The following RGS3 variants were observed in gnomAD, a reference collection of about 807,000 sequenced individuals.
RGS3 encodes regulator of G protein signaling 3.
A neutral mutation model predicts 132.6 loss-of-function variants in RGS3; 80 were observed. That is an observed-to-expected ratio of 0.60 (90% confidence interval 0.50 to 0.73). The LOEUF is 0.73. Ranked by LOEUF, RGS3 falls within the 30% of genes least tolerant of loss-of-function variation. RGS3 has a pLI of 0.00. For synonymous variants in RGS3, 598 were observed against 620.6 expected, an observed-to-expected ratio of 0.96 and a Z score of 0.54; for missense variants, 1,382 against 1,530.8, an observed-to-expected ratio of 0.90 and a Z score of 1.62.
chr9:113,555,400 A>G (rs1833527108), intron 19 of RGS3, among the ~76,000 whole-genome samples: 1 of 151,986 alleles, frequency 6.6e-6, no homozygotes, highest in Non-Finnish European at 1.5e-5. Context: ...GCTGGACCAT[A>G]CTTCTCTGCT....
intron 3 of RGS3, among the ~76,000 whole-genome samples, chr9:113,470,118 C>A (rs1454157156): frequency 6.6e-6 from 1 of 152,124 alleles, no homozygotes; most frequent in Non-Finnish European, 1.5e-5. Flanking sequence ...ACCATGTTGG[C>A]CACACTGGTC....
At chr9:113,457,678 A>G (rs574369959), upstream of RGS3, among the ~76,000 whole-genome samples, 12 of 152,288 alleles carry the variant, frequency 7.9e-5, no homozygotes, top group South Asian at 1.2e-3. Context: ...CTGTTTATTT[A>G]CTAGTTTAGC....
chr9:113,513,630 G>A (rs1264032338), intron 14 of RGS3, among the ~76,000 whole-genome samples: 2 of 152,184 alleles, frequency 1.3e-5, no homozygotes, highest in Non-Finnish European at 2.9e-5. Flanking sequence ...AGTGAGCTTG[G>A]CACTATTGTT....
intron 3 of RGS3, chr9:113,479,272 G>T: frequency 1.7e-6 from 1 of 589,930 alleles, no homozygotes. Flanking sequence ...CACAAGCAAG[G>T]CTAGAGAACC....
At chr9:113,461,804 G>T in exon 2 of RGS3, 1 of 1,614,192 alleles carries the variant, frequency 6.2e-7, no homozygotes, top group East Asian at 2.2e-5. Context: ...TGGAGCCCAA[G>T]ATAGTCTCCC....
At chr9:113,553,464 A>AAAAAAAAT (rs1833438911) in intron 19 of RGS3, among the ~76,000 whole-genome samples, 1 of 70,660 alleles carries the variant, frequency 1.4e-5, no homozygotes, top group Non-Finnish European at 2.7e-5. Flanking sequence ...AAAAAAATAT[A>AAAAAAAAT]TATATATATA....
intron 19 of RGS3, among the ~76,000 whole-genome samples, chr9:113,561,462 T>C (rs887833738): frequency 1.3e-5 from 2 of 151,828 alleles, no homozygotes; most frequent in African/African-American, 2.4e-5. Flanking sequence ...CAGCTGGGAG[T>C]GCAGTGGCAC....
chr9:113,445,490 G>A (rs1439478258), intron 1 of RGS3, among the ~76,000 whole-genome samples: 1 of 152,148 alleles, frequency 6.6e-6, no homozygotes, highest in Non-Finnish European at 1.5e-5. Context: ...GAGCCACTGT[G>A]CCTGGCCTGG....
intron 10 of RGS3, chr9:113,501,302 CG>C (rs768248624): frequency 1.8e-5 from 15 of 821,630 alleles, no homozygotes; most frequent in South Asian, 2.8e-5. Context: ...CTCTCCCCGC[CG>C]GGCCCGGGGA....
At chr9:113,486,840 A>G (rs928410655) in intron 7 of RGS3, among the ~76,000 whole-genome samples, 2 of 152,228 alleles carry the variant, frequency 1.3e-5, no homozygotes, top group African/African-American at 2.4e-5. Flanking sequence ...CTCTTTTAAT[A>G]AAGTATCCAC....
At chr9:113,530,795 G>A (rs1032579415) in intron 18 of RGS3, among the ~76,000 whole-genome samples, 7 of 152,200 alleles carry the variant, frequency 4.6e-5, no homozygotes, top group Non-Finnish European at 1.0e-4. Flanking sequence ...GTGGGATTGA[G>A]CTTACAGGCA....
chr9:113,504,781 T>C (rs928593248), intron 10 of RGS3, among the ~76,000 whole-genome samples: 1 of 152,242 alleles, frequency 6.6e-6, no homozygotes, highest in Non-Finnish European at 1.5e-5. Context: ...CACATGGGCC[T>C]CAGCAGGCAC....
chr9:113,445,889 G>C (rs1449591187), intron 1 of RGS3, among the ~76,000 whole-genome samples: 1 of 152,128 alleles, frequency 6.6e-6, no homozygotes, highest in African/African-American at 2.4e-5. Flanking sequence ...ATGTTGGGCA[G>C]GTTGGACTCA....
chr9:113,510,469 T>A (rs1347347508), intron 14 of RGS3, among the ~76,000 whole-genome samples: 1 of 152,226 alleles, frequency 6.6e-6, no homozygotes, highest in Non-Finnish European at 1.5e-5. Flanking sequence ...ATTTTGGTTG[T>A]GTGACTGACT....
chr9:113,512,515 C>T (rs1410998195), intron 14 of RGS3, among the ~76,000 whole-genome samples: 1 of 152,026 alleles, frequency 6.6e-6, no homozygotes, highest in Non-Finnish European at 1.5e-5. Flanking sequence ...ACTTGTTTTT[C>T]TTACCTTGCT....
exon 25 of RGS3, chr9:113,597,060 G>A (rs964167267): frequency 2.4e-5 from 21 of 886,974 alleles, no homozygotes; most frequent in Middle Eastern, 2.3e-4. Context: ...CCCAGAGGCT[G>A]TGTCTCTGGA....
At chr9:113,484,102 G>A (rs1830247809) in intron 5 of RGS3, 36 bp from the exon 4 acceptor site, 1 of 1,309,308 alleles carries the variant, frequency 7.6e-7, no homozygotes, top group Non-Finnish European at 1.1e-6. Flanking sequence ...TGGGCCATGA[G>A]ATCCGCTAAT....
At chr9:113,525,950 G>A (rs555979114) in intron 17 of RGS3, among the ~76,000 whole-genome samples, 5 of 152,190 alleles carry the variant, frequency 3.3e-5, no homozygotes, top group Non-Finnish European at 4.4e-5. Flanking sequence ...GTCTGGCCCC[G>A]TCCTGCCCAG....
exon 23 of RGS3, chr9:113,594,943 G>A (rs747355899): frequency 5.0e-6 from 8 of 1,614,102 alleles, no homozygotes; most frequent in African/African-American, 1.3e-5. Flanking sequence ...AAGCCCTCAA[G>A]TGGGGCGAGT....
Sources: allele counts gnomAD v4.1 joint callset (sites outside exome capture counted in the v4.1 genomes callset), GRCh38; gene constraint gnomAD v4.1.1; transcripts MANE v1.5; gene names NCBI Gene and HGNC (gene_info 2026-07-23, HGNC 2026-07-21).